SCHIP1: variants seen among roughly 807,000 people sequenced by gnomAD.
The protein encoded by SCHIP1 is schwannomin interacting protein 1, also known as schwannomin-interacting protein 1.
In SCHIP1, 8 loss-of-function variants were observed where a neutral mutation model predicts 29.7. The observed-to-expected ratio is 0.27, with a 90% CI of 0.16 to 0.49. The LOEUF (loss-of-function observed/expected upper bound fraction) is 0.49, where lower values mean the gene tolerates loss of function less well. SCHIP1 is among the 20% of genes least tolerant of loss of function. The pLI, the probability that SCHIP1 is intolerant of heterozygous loss-of-function variation, is 0.99. For synonymous variants in SCHIP1, 76 were observed against 94.9 expected, an observed-to-expected ratio of 0.80 and a Z score of 1.16; for missense variants, 193 against 294.6, an observed-to-expected ratio of 0.66 and a Z score of 2.52.
At chr3:159,588,959 T>C in the SCHIP1 span, among the ~76,000 whole-genome samples, 1 of 152,204 alleles carries the variant, frequency 6.6e-6, no homozygotes, top group Non-Finnish European at 1.5e-5. Context: ...CTTTTTTGGT[T>C]GCATATGAAA....
chr3:159,669,823 C>T, the SCHIP1 span, among the ~76,000 whole-genome samples: 1 of 152,174 alleles, frequency 6.6e-6, no homozygotes, highest in Non-Finnish European at 1.5e-5. Context: ...CAGAGACAAC[C>T]CCCTGTGTTC....
chr3:159,537,757 T>C, the SCHIP1 span, among the ~76,000 whole-genome samples: 1 of 152,146 alleles, frequency 6.6e-6, no homozygotes, highest in South Asian at 2.1e-4. Context: ...TACATTTACA[T>C]TTGTTAAAAA....
At chr3:159,443,489 A>T in the SCHIP1 span, among the ~76,000 whole-genome samples, 2 of 152,176 alleles carry the variant, frequency 1.3e-5, no homozygotes, top group African/African-American at 4.8e-5. Flanking sequence ...CATCCCAGCC[A>T]GCCCTGATGG....
At chr3:159,422,016 A>G in the SCHIP1 span, among the ~76,000 whole-genome samples, 1 of 152,228 alleles carries the variant, frequency 6.6e-6, no homozygotes, top group Non-Finnish European at 1.5e-5. Flanking sequence ...TCTGAAAGTG[A>G]ATGGCATATA....
At chr3:159,538,992 T>C in the SCHIP1 span, among the ~76,000 whole-genome samples, 1 of 152,092 alleles carries the variant, frequency 6.6e-6, no homozygotes, top group Non-Finnish European at 1.5e-5. Flanking sequence ...CTCTCATCCA[T>C]GGATGGTTAT....
the SCHIP1 span, among the ~76,000 whole-genome samples, chr3:159,520,739 C>T: frequency 1.3e-5 from 2 of 152,168 alleles, no homozygotes; most frequent in Non-Finnish European, 2.9e-5. Context: ...AGAACTAGGG[C>T]CTCCTTATGT....
the SCHIP1 span, among the ~76,000 whole-genome samples, chr3:159,742,330 A>C: frequency 2.6e-5 from 4 of 152,330 alleles, no homozygotes; most frequent in Non-Finnish European, 4.4e-5. Flanking sequence ...ACTGCCCCCA[A>C]AAGTGTGGAA....
chr3:159,456,112 G>T, the SCHIP1 span, among the ~76,000 whole-genome samples: 1 of 152,222 alleles, frequency 6.6e-6, no homozygotes, highest in Non-Finnish European at 1.5e-5. Flanking sequence ...TTCAGGCCCA[G>T]TTTAGGATGA....
the SCHIP1 span, among the ~76,000 whole-genome samples, chr3:159,626,119 TAG>T: frequency 4.1e-5 from 5 of 121,194 alleles, no homozygotes; most frequent in African/African-American, 1.7e-4. Flanking sequence ...GATAGATAGA[TAG>T]ATAGATAGAT....
the SCHIP1 span, among the ~76,000 whole-genome samples, chr3:159,826,594 A>T: frequency 6.6e-6 from 1 of 152,190 alleles, no homozygotes; most frequent in Non-Finnish European, 1.5e-5. Context: ...TAAAAATTTG[A>T]TTGAAAGTCA....
At chr3:159,341,217 A>G in the SCHIP1 span, among the ~76,000 whole-genome samples, 3 of 150,662 alleles carry the variant, frequency 2.0e-5, no homozygotes, top group Non-Finnish European at 4.5e-5. Context: ...TAGCTTTTGA[A>G]GTGCTGCCGC....
chr3:159,508,571 T>A, the SCHIP1 span, among the ~76,000 whole-genome samples: 5 of 152,234 alleles, frequency 3.3e-5, no homozygotes, highest in African/African-American at 1.2e-4. Context: ...GGGTGTCAAT[T>A]TTAGATCTTT....
At chr3:159,652,168 A>C in the SCHIP1 span, among the ~76,000 whole-genome samples, 1 of 152,154 alleles carries the variant, frequency 6.6e-6, no homozygotes, top group African/African-American at 2.4e-5. Flanking sequence ...GTCTATAAGC[A>C]GTTTATTCAT....
chr3:159,307,925 G>C, the SCHIP1 span, among the ~76,000 whole-genome samples: 1 of 152,000 alleles, frequency 6.6e-6, no homozygotes, highest in African/African-American at 2.4e-5. Context: ...CTGTTCCACT[G>C]ACCTGTGTGT....
At chr3:159,572,529 A>C in the SCHIP1 span, among the ~76,000 whole-genome samples, 1 of 152,194 alleles carries the variant, frequency 6.6e-6, no homozygotes, top group East Asian at 1.9e-4. Flanking sequence ...GGAATGCTTT[A>C]CTTCCTATTA....
chr3:159,630,995 A>G, the SCHIP1 span, among the ~76,000 whole-genome samples: 1 of 152,222 alleles, frequency 6.6e-6, no homozygotes, highest in African/African-American at 2.4e-5. Flanking sequence ...TACCAAAAAA[A>G]AAGTTAAAAC....
chr3:159,655,432 A>G, the SCHIP1 span, among the ~76,000 whole-genome samples: 2 of 152,150 alleles, frequency 1.3e-5, no homozygotes, highest in Admixed American at 1.3e-4. Flanking sequence ...GCTACCACTT[A>G]TTAAGAACTA....
At chr3:159,519,387 G>A in the SCHIP1 span, among the ~76,000 whole-genome samples, 1 of 151,968 alleles carries the variant, frequency 6.6e-6, no homozygotes, top group Non-Finnish European at 1.5e-5. Flanking sequence ...TTACTTCGAG[G>A]ATCTAGTGAA....
exon 6 of SCHIP1, chr3:159,892,111 T>C (rs1407676831): frequency 6.2e-7 from 1 of 1,612,060 alleles, no homozygotes; most frequent in African/African-American, 1.3e-5. Context: ...GAATGAAGAG[T>C]TGGTCCAGCT....
Sources: allele counts gnomAD v4.1 joint callset (sites outside exome capture counted in the v4.1 genomes callset), GRCh38; gene constraint gnomAD v4.1.1; transcripts MANE v1.5; gene names NCBI Gene and HGNC (gene_info 2026-07-23, HGNC 2026-07-21).